CCSER1: variants seen among roughly 807,000 people sequenced by gnomAD.
The protein encoded by CCSER1 is serine-rich coiled-coil domain-containing protein 1.
In CCSER1, 41 loss-of-function variants were observed where a neutral mutation model predicts 82.0. The observed-to-expected ratio is 0.50, with a 90% confidence interval of 0.39 to 0.65. CCSER1 has a LOEUF of 0.65. CCSER1 is among the 30% of genes least tolerant of loss of function. CCSER1 has a pLI of 0.00. For synonymous variants in CCSER1, 414 were observed against 383.9 expected, an observed-to-expected ratio of 1.08 and a Z score of -0.92; for missense variants, 1,119 against 1,064.2, an observed-to-expected ratio of 1.05 and a Z score of -0.72.
chr4:91,252,555 T>C (rs1307965474), intron 10 of CCSER1, among the ~76,000 whole-genome samples: 15 of 152,158 alleles, frequency 9.9e-5, no homozygotes. Context: ...GTAACTTTGG[T>C]TTGCAGCTCC....
intron 10 of CCSER1, among the ~76,000 whole-genome samples, chr4:91,420,908 C>T (rs1248211664): frequency 6.6e-6 from 1 of 152,112 alleles, no homozygotes; most frequent in Non-Finnish European, 1.5e-5. Flanking sequence ...TTTGTGACAA[C>T]ATGGATAAAC....
At chr4:90,856,329 TATAAG>T (rs1393214429) in intron 8 of CCSER1, among the ~76,000 whole-genome samples, 1 of 152,152 alleles carries the variant, frequency 6.6e-6, no homozygotes, top group African/African-American at 2.4e-5. Flanking sequence ...AAGACTCATT[TATAAG>T]ATAATATATA....
intron 9 of CCSER1, among the ~76,000 whole-genome samples, chr4:90,947,375 G>A: frequency 6.6e-6 from 1 of 152,168 alleles, no homozygotes; most frequent in East Asian, 1.9e-4. Flanking sequence ...TTTTTAACCT[G>A]TAATTGAATA....
intron 10 of CCSER1, among the ~76,000 whole-genome samples, chr4:91,584,091 G>A (rs1763868754): frequency 6.6e-6 from 1 of 151,376 alleles, no homozygotes; most frequent in African/African-American, 2.4e-5. Flanking sequence ...TGGGAAAGCT[G>A]GTGACCTCTT....
intron 10 of CCSER1, among the ~76,000 whole-genome samples, chr4:91,379,420 C>T (rs908733566): frequency 6.6e-6 from 1 of 152,162 alleles, no homozygotes; most frequent in Admixed American, 6.5e-5. Flanking sequence ...ATTATTGCCT[C>T]AATTTCAGAG....
intron 10 of CCSER1, among the ~76,000 whole-genome samples, chr4:91,349,423 G>A (rs1176192424): frequency 1.6e-5 from 1 of 64,394 alleles, no homozygotes; most frequent in Admixed American, 1.3e-4. Flanking sequence ...TTCTCCTGAT[G>A]TAATGGTTAA....
chr4:90,153,042 C>A (rs58427832), intron 1 of CCSER1, among the ~76,000 whole-genome samples: 28,480 of 109,580 alleles, frequency 0.26, 4,479 homozygotes, highest in East Asian at 0.64. Context: ...CCCCTCCCCC[C>A]ACCCCACCAC....
chr4:91,530,939 G>A (rs562858948), intron 10 of CCSER1, among the ~76,000 whole-genome samples: 19 of 151,812 alleles, frequency 1.3e-4, no homozygotes, highest in African/African-American at 3.1e-4. Context: ...CACCTGCCTC[G>A]GCCTCCCAAA....
chr4:90,481,869 G>T (rs1388686847), intron 5 of CCSER1, among the ~76,000 whole-genome samples: 1 of 152,160 alleles, frequency 6.6e-6, no homozygotes, highest in Non-Finnish European at 1.5e-5. Flanking sequence ...TTGGTATCAG[G>T]ATGATGGTTG....
chr4:91,037,031 C>T (rs971918928), intron 9 of CCSER1, among the ~76,000 whole-genome samples: 2 of 151,936 alleles, frequency 1.3e-5, no homozygotes, highest in Non-Finnish European at 1.5e-5. Context: ...GACTGGAGAT[C>T]GTGTCACTGC....
intron 4 of CCSER1, among the ~76,000 whole-genome samples, chr4:90,450,058 G>T (rs1221312056): frequency 6.6e-6 from 1 of 152,224 alleles, no homozygotes; most frequent in African/African-American, 2.4e-5. Flanking sequence ...CTGCTGTGAG[G>T]ATAGGGATGA....
intron 1 of CCSER1, among the ~76,000 whole-genome samples, chr4:90,257,879 C>T (rs1242749255): frequency 6.6e-6 from 1 of 152,152 alleles, no homozygotes; most frequent in Non-Finnish European, 1.5e-5. Context: ...GGATAAGCCC[C>T]ACTCATATTG....
At chr4:91,145,637 G>T (rs1729464189) in intron 10 of CCSER1, among the ~76,000 whole-genome samples, 1 of 152,094 alleles carries the variant, frequency 6.6e-6, no homozygotes, top group South Asian at 2.1e-4. Context: ...TCACTGTAAT[G>T]CTTGTATAGT....
intron 1 of CCSER1, among the ~76,000 whole-genome samples, chr4:90,282,601 T>C (rs1171568222): frequency 1.3e-5 from 2 of 151,902 alleles, no homozygotes; most frequent in Non-Finnish European, 2.9e-5. Flanking sequence ...GAGGCTTATA[T>C]ACATTGAAAT....
chr4:90,221,208 T>C (rs903466960), intron 1 of CCSER1, among the ~76,000 whole-genome samples: 9 of 152,168 alleles, frequency 5.9e-5, no homozygotes, highest in African/African-American at 2.2e-4. Context: ...ATATGCTTAA[T>C]GGTAGTCTAA....
chr4:90,596,889 A>G (rs1322183126), intron 5 of CCSER1, among the ~76,000 whole-genome samples: 5 of 151,936 alleles, frequency 3.3e-5, no homozygotes, highest in Non-Finnish European at 5.9e-5. Context: ...ACAGACTGAA[A>G]TAGTGAATCA....
chr4:90,858,081 A>G (rs909590999), intron 8 of CCSER1, among the ~76,000 whole-genome samples: 13 of 152,080 alleles, frequency 8.5e-5, no homozygotes, highest in African/African-American at 2.9e-4. Flanking sequence ...GCAGTGAAGT[A>G]CAGTAACAGA....
chr4:91,173,339 A>T (rs981801140), intron 10 of CCSER1, among the ~76,000 whole-genome samples: 2 of 152,208 alleles, frequency 1.3e-5, no homozygotes, highest in African/African-American at 4.8e-5. Context: ...TCACACCGGT[A>T]ATCCCAGCAC....
chr4:90,212,111 A>G (rs116166250), intron 1 of CCSER1, among the ~76,000 whole-genome samples: 3,553 of 152,292 alleles, frequency 0.023, 54 homozygotes, highest in South Asian at 0.054. Flanking sequence ...TGTCTTGTCT[A>G]TATCACTTTC....
Sources: allele counts gnomAD v4.1 joint callset (sites outside exome capture counted in the v4.1 genomes callset), GRCh38; gene constraint gnomAD v4.1.1; transcripts MANE v1.5; gene names NCBI Gene and HGNC (gene_info 2026-07-23, HGNC 2026-07-21).